Variants in CADPS observed in about 807,000 individuals in gnomAD.
The protein encoded by CADPS is calcium dependent secretion activator.
CADPS carries 57 observed loss-of-function variants against 167.3 expected under a neutral mutation model. The observed-to-expected ratio is 0.34, with a 90% confidence interval of 0.28 to 0.42. The LOEUF (loss-of-function observed/expected upper bound fraction) is 0.42, where lower values mean the gene tolerates loss of function less well. Ranked by LOEUF, CADPS falls within the 20% of genes least tolerant of loss-of-function variation. CADPS has a pLI of 1.00. For missense variants in CADPS, 1,414 were observed against 1,738.1 expected, an observed-to-expected ratio of 0.81 and a Z score of 3.32; for synonymous variants, 676 against 635.3, an observed-to-expected ratio of 1.06 and a Z score of -0.96.
chr3:62,605,276 GAAC>G (rs1373235409), intron 6 of CADPS, among the ~76,000 whole-genome samples: 1 of 151,924 alleles, frequency 6.6e-6, no homozygotes, highest in South Asian at 2.1e-4. Flanking sequence ...GGGAGAGACA[GAAC>G]AACAGCCTCT....
Position 62,412,997 on chromosome 3 carries a change from A to G in CADPS, c.3778-9812T>C, listed in dbSNP as rs996435453. Among the ~76,000 whole-genome samples the G allele has an allele frequency of 2.0e-5, 3 of 152,108 alleles. No homozygotes were observed. The highest frequency in any genetic ancestry group is 6.6e-5 in the Admixed American group (1 of 15,260). On this transcript the variant is annotated intron_variant, in intron 28 of 29. Transcript: ENST00000383710. This position sits in a 1 kb window ranked among gnomAD's most constrained non-coding sequence, Gnocchi z 4.1. Reference sequence around the variant, plus strand: ...CTTTTCAATATGGCGGGTGGTCATCAGTGAGGAGGTGTGATGGTCTCAGAA... The same window carrying G: ...CTTTTCAATATGGCGGGTGGTCATCGGTGAGGAGGTGTGATGGTCTCAGAA...
chr3:62,434,915 A>G (rs2054671545), intron 28 of CADPS, among the ~76,000 whole-genome samples: 1 of 152,208 alleles, frequency 6.6e-6, no homozygotes, highest in African/African-American at 2.4e-5. Flanking sequence ...TGAGACTTGA[A>G]ACACAGTTAA....
chr3:62,621,535 G>A (rs570509374), intron 6 of CADPS, among the ~76,000 whole-genome samples: 3 of 151,732 alleles, frequency 2.0e-5, no homozygotes, highest in Non-Finnish European at 4.4e-5. Flanking sequence ...ATATTTATGG[G>A]GTATAGTTTT....
At chr3:62,872,895 G>A (rs1470198346) in intron 1 of CADPS, among the ~76,000 whole-genome samples, 2 of 152,142 alleles carry the variant, frequency 1.3e-5, no homozygotes, top group Non-Finnish European at 2.9e-5. Context: ...TGTTATTACT[G>A]GGATAGATTT....
chr3:62,754,141 T>G (rs547022290), intron 2 of CADPS, among the ~76,000 whole-genome samples: 1 of 152,278 alleles, frequency 6.6e-6, no homozygotes, highest in Non-Finnish European at 1.5e-5. Context: ...TACCTCAGTG[T>G]TTCCATTTAT....
intron 1 of CADPS, among the ~76,000 whole-genome samples, chr3:62,820,904 C>T (rs1309881748): frequency 6.6e-6 from 1 of 151,572 alleles, no homozygotes; most frequent in Non-Finnish European, 1.5e-5. Context: ...AGGTTCAAGC[C>T]ATTCTCCTGC....
At chr3:62,832,945 A>G (rs2075332801) in intron 1 of CADPS, among the ~76,000 whole-genome samples, 1 of 152,082 alleles carries the variant, frequency 6.6e-6, no homozygotes, top group Admixed American at 6.5e-5. Flanking sequence ...AACAACAACA[A>G]CCAACAACTT....
At chr3:62,747,949 AC>A (rs974605184) in intron 3 of CADPS, among the ~76,000 whole-genome samples, 2 of 152,116 alleles carry the variant, frequency 1.3e-5, no homozygotes, top group African/African-American at 4.8e-5. Flanking sequence ...GATACAACTG[AC>A]ATCCTTAGCT....
chr3:62,470,928 G>T (rs1181272109), intron 24 of CADPS, among the ~76,000 whole-genome samples: 1 of 152,114 alleles, frequency 6.6e-6, no homozygotes, highest in Non-Finnish European at 1.5e-5. Context: ...GTCACATGGG[G>T]AGAGTATGGG....
At chr3:62,462,892 A>G (rs2059534150) in intron 26 of CADPS, among the ~76,000 whole-genome samples, 1 of 152,142 alleles carries the variant, frequency 6.6e-6, no homozygotes, top group Non-Finnish European at 1.5e-5. Flanking sequence ...ACCTCTAAAC[A>G]CAGTTCACTT....
At chr3:62,757,813 G>A (rs557645320) in intron 2 of CADPS, among the ~76,000 whole-genome samples, 5 of 152,196 alleles carry the variant, frequency 3.3e-5, no homozygotes, top group East Asian at 3.8e-4. Flanking sequence ...CAATCATGGT[G>A]GAAGTCAAGG....
intron 17 of CADPS, 54 bp from the exon 18 acceptor site, chr3:62,499,322 T>C: frequency 9.0e-7 from 1 of 1,113,232 alleles, no homozygotes; most frequent in Non-Finnish European, 1.4e-6. Flanking sequence ...GCTACTTTTA[T>C]GGCCATTAGA....
intron 3 of CADPS, among the ~76,000 whole-genome samples, chr3:62,734,560 C>T (rs472284): frequency 0.32 from 48,820 of 151,928 alleles, 8,546 homozygotes; most frequent in African/African-American, 0.46. Flanking sequence ...TAATAGAATA[C>T]ATACTCCTTG....
chr3:62,821,266 AG>A (rs1305963541), intron 1 of CADPS, among the ~76,000 whole-genome samples: 1 of 152,188 alleles, frequency 6.6e-6, no homozygotes, highest in Non-Finnish European at 1.5e-5. Context: ...GTAGGTCAAA[AG>A]TCTGGGCAGG....
At chr3:62,629,476 C>G (rs1029774657) in intron 6 of CADPS, among the ~76,000 whole-genome samples, 1 of 152,214 alleles carries the variant, frequency 6.6e-6, no homozygotes, top group Non-Finnish European at 1.5e-5. Flanking sequence ...AAACAGTACA[C>G]CCATAGATGT....
intron 1 of CADPS, among the ~76,000 whole-genome samples, chr3:62,856,411 C>A (rs2079697350): frequency 6.6e-6 from 1 of 152,060 alleles, no homozygotes; most frequent in South Asian, 2.1e-4. Context: ...AAGATATCAG[C>A]TTTCTTTATG....
At chr3:62,561,967 C>T (rs1310734305) in intron 9 of CADPS, among the ~76,000 whole-genome samples, 4 of 152,142 alleles carry the variant, frequency 2.6e-5, no homozygotes, top group Non-Finnish European at 5.9e-5. Flanking sequence ...GTGTTTGGTT[C>T]GAGGACTATA....
At chr3:62,521,832 C>G (rs570992787) in intron 13 of CADPS, among the ~76,000 whole-genome samples, 4 of 152,274 alleles carry the variant, frequency 2.6e-5, no homozygotes, top group Admixed American at 2.0e-4. Flanking sequence ...TGCCTATTCC[C>G]CTACTATTAA....
chr3:62,711,334 G>T (rs1461783803), intron 3 of CADPS, among the ~76,000 whole-genome samples: 1 of 152,106 alleles, frequency 6.6e-6, no homozygotes, highest in Non-Finnish European at 1.5e-5. Context: ...TTGTTAACAC[G>T]ATATAAATGT....
Sources: allele counts gnomAD v4.1 joint callset (sites outside exome capture counted in the v4.1 genomes callset), GRCh38; gene constraint gnomAD v4.1.1; non-coding constraint Gnocchi (gnomAD v3.1); transcripts MANE v1.5; gene names NCBI Gene and HGNC (gene_info 2026-07-23, HGNC 2026-07-21).